SIK2: variants seen among roughly 807,000 people sequenced by gnomAD.
The protein encoded by SIK2 is salt inducible kinase 2.
In SIK2, 29 loss-of-function variants were observed where a neutral mutation model predicts 103.2. That is an observed-to-expected ratio of 0.28 (90% CI 0.21 to 0.38). The LOEUF is 0.38. Among genes scored for constraint, SIK2 ranks in the 10% least tolerant of loss-of-function variants. The pLI, the probability that SIK2 is intolerant of heterozygous loss-of-function variation, is 1.00. For missense variants in SIK2, 879 were observed against 1,171.0 expected, an observed-to-expected ratio of 0.75 and a Z score of 3.64; for synonymous variants, 412 against 446.1, an observed-to-expected ratio of 0.92 and a Z score of 0.96.
chr11:111,721,303 C>A (rs1051409608), intron 12 of SIK2, among the ~76,000 whole-genome samples: 1 of 152,182 alleles, frequency 6.6e-6, no homozygotes, highest in Non-Finnish European at 1.5e-5. Context: ...CTGTTTTTGG[C>A]TCACAGGGCA....
intron 1 of SIK2, among the ~76,000 whole-genome samples, chr11:111,613,045 A>G (rs575934223): frequency 6.6e-6 from 1 of 151,474 alleles, no homozygotes; most frequent in Admixed American, 6.6e-5. Flanking sequence ...GAAATGTTAA[A>G]TGAGATTTAT....
chr11:111,696,110 A>G (rs1176533811), intron 4 of SIK2, among the ~76,000 whole-genome samples: 1 of 152,220 alleles, frequency 6.6e-6, no homozygotes, highest in African/African-American at 2.4e-5. Flanking sequence ...CTGATCTGTA[A>G]TTAAAGACTC....
chr11:111,655,363 C>T (rs1942378586), intron 3 of SIK2, among the ~76,000 whole-genome samples: 1 of 152,144 alleles, frequency 6.6e-6, no homozygotes, highest in African/African-American at 2.4e-5. Flanking sequence ...AAGATTGCGC[C>T]ACTGCACTCC....
intron 2 of SIK2, among the ~76,000 whole-genome samples, chr11:111,618,645 G>A (rs1184565912): frequency 2.0e-5 from 3 of 152,038 alleles, no homozygotes; most frequent in African/African-American, 7.2e-5. Context: ...CTGTACTTTA[G>A]CCTGGATAAC....
At chr11:111,654,353 C>T (rs45483099) in intron 3 of SIK2, among the ~76,000 whole-genome samples, 4 of 152,108 alleles carry the variant, frequency 2.6e-5, no homozygotes, top group Admixed American at 2.0e-4. Context: ...TATATTATCT[C>T]CTATGCTGTA....
At chr11:111,651,870 C>T in intron 3 of SIK2, among the ~76,000 whole-genome samples, 1 of 152,148 alleles carries the variant, frequency 6.6e-6, no homozygotes, top group Non-Finnish European at 1.5e-5. Context: ...GAGGACTTTG[C>T]AAGCTCTATA....
Position 111,717,757 on chromosome 11 carries a change from C to G in SIK2, c.1267-2018C>G, listed in dbSNP as rs117594542. ...TACATATACACCATGGAATACCATG[C>G]ATACATAGAAAGGAATGAGATCATG... On this transcript the variant is annotated intron_variant, in intron 9 of 14. Transcript: ENST00000304987. Among the ~76,000 whole-genome samples the G allele has an allele frequency of 4.6e-5, 7 of 152,268 alleles. No individual in the cohort carries two copies. In the East Asian group the frequency reaches 1.2e-3, roughly 25 times the overall value.
intron 8 of SIK2, among the ~76,000 whole-genome samples, chr11:111,711,406 C>CCA (rs373985009): frequency 1.0e-3 from 155 of 152,326 alleles, no homozygotes; most frequent in African/African-American, 3.6e-3. Flanking sequence ...CAGGCATGAG[C>CCA]CACCGCGCCT....
chr11:111,691,982 A>G (rs1355995616), intron 4 of SIK2, among the ~76,000 whole-genome samples: 4 of 152,148 alleles, frequency 2.6e-5, no homozygotes, highest in African/African-American at 9.7e-5. Flanking sequence ...TGGAAGAATC[A>G]GGGAAATTAT....
intron 3 of SIK2, among the ~76,000 whole-genome samples, chr11:111,632,121 A>T (rs1363640861): frequency 6.6e-6 from 1 of 152,182 alleles, no homozygotes. Context: ...TGCAGGACAT[A>T]AGGGCCTAAG....
At chr11:111,666,283 T>C (rs962323412) in intron 3 of SIK2, among the ~76,000 whole-genome samples, 1 of 152,202 alleles carries the variant, frequency 6.6e-6, no homozygotes, top group African/African-American at 2.4e-5. Flanking sequence ...TGCTTTCTCC[T>C]GAGGTCTTTT....
chr11:111,665,498 G>C (rs1158354063), intron 3 of SIK2, among the ~76,000 whole-genome samples: 1 of 151,794 alleles, frequency 6.6e-6, no homozygotes, highest in Non-Finnish European at 1.5e-5. Context: ...GACAGAGCAA[G>C]ACCCTGTCTC....
At position 111,727,250 on chromosome 11, in the gene SIK2, C is replaced by T; in HGVS notation, c.*3121C>T. On this transcript the variant is annotated 3_prime_UTR_variant, in exon 15 of 15. Transcript: ENST00000304987. Reference sequence around the variant, plus strand: ...CCCTGCGTGGGAGAGCATCAGGGCCCACCAGGGGAGTGGGGATGGGGCTCA... The same window carrying T: ...CCCTGCGTGGGAGAGCATCAGGGCCTACCAGGGGAGTGGGGATGGGGCTCA... 1 of 601,918 alleles carries T rather than the reference C, an allele frequency of 1.7e-6. No individual in the cohort carries two copies. Among genetic ancestry groups the T allele is most frequent in the South Asian group, 2.0e-5 (1 of 49,746 alleles). The allele number at this position is 601,918 out of a possible 1,614,324, so 37.3% of individuals were successfully genotyped here.
chr11:111,723,852 CAGG>C lies in SIK2; in HGVS notation c.2507_2509del (p.Gly836del). 1 of 1,613,776 alleles carries C rather than the reference CAGG, an allele frequency of 6.2e-7. No homozygotes were observed. The highest frequency in any genetic ancestry group is 8.5e-7 in the Non-Finnish European group (1 of 1,179,918). ...CCACCCCCTCCACCACCACGACAGC[CAGG>C]AGCTGCCCCAGCCCCCTTACAGTTC... On this transcript the variant is annotated inframe_deletion, in exon 15 of 15. Coordinates refer to ENST00000304987, the MANE Select transcript of SIK2 (RefSeq NM_015191.3).
At chr11:111,615,301 AAAAG>A (rs1271941178) in intron 1 of SIK2, among the ~76,000 whole-genome samples, 1 of 151,570 alleles carries the variant, frequency 6.6e-6, no homozygotes, top group East Asian at 1.9e-4. Context: ...AAAAAAAAAA[AAAAG>A]AAGAAAAGTT....
intron 7 of SIK2, 67 bp from the exon 8 acceptor site, chr11:111,704,920 A>T (rs1943305562): frequency 2.2e-6 from 3 of 1,372,738 alleles, no homozygotes; most frequent in South Asian, 1.5e-5. Context: ...CTTTTTTTTT[A>T]GGCATGTGTA....
intron 3 of SIK2, among the ~76,000 whole-genome samples, chr11:111,666,452 T>C (rs1182719262): frequency 6.6e-6 from 1 of 152,222 alleles, no homozygotes; most frequent in Non-Finnish European, 1.5e-5. Context: ...AGATACTGTA[T>C]GTTATACAGA....
At position 111,724,034 on chromosome 11, in the gene SIK2, G is replaced by A. The variant is rs111845343; in HGVS notation, c.2686G>A (p.Asp896Asn). The A allele has an allele frequency of 2.4e-5, 38 of 1,614,016 alleles. No individual in the cohort carries two copies. In the African/African-American group the frequency reaches 3.6e-4, roughly 15 times the overall value. Residue 896 changes from aspartate to asparagine, a missense_variant, in exon 15 of 15, where the codon GAC becomes AAC. Asp to Asn is a conservative substitution (Grantham distance 23, BLOSUM62 1). Around this residue, in one of 7 missense-constraint regions of SIK2, gnomAD observed 375 missense variants for 416.3 expected, o/e 0.90. Transcript: ENST00000304987. ...ACTGCAAGAGGCCCCCTCCAGCTAC[G>A]ACCCACTAGCCCTCTCTGAGCTACC... Reference protein sequence around the residue: ...PGLQEAPSSYDPLALSELPGL... With the variant: ...PGLQEAPSSYNPLALSELPGL...
chr11:111,650,590 A>AT (rs140657495), intron 3 of SIK2, among the ~76,000 whole-genome samples: 3,640 of 152,222 alleles, frequency 0.024, 92 homozygotes, highest in African/African-American at 0.062. Flanking sequence ...ATCTAAAAAT[A>AT]TATAAACATT....
Sources: allele counts gnomAD v4.1 joint callset (sites outside exome capture counted in the v4.1 genomes callset), GRCh38; gene constraint gnomAD v4.1.1; regional missense constraint gnomAD v4.1.1; transcripts MANE v1.5; gene names NCBI Gene and HGNC (gene_info 2026-07-23, HGNC 2026-07-21).